CERS6: variants seen among roughly 807,000 people sequenced by gnomAD.
CERS6 encodes LAG1 homolog, ceramide synthase 6.
In CERS6, 26 loss-of-function variants were observed where a neutral mutation model predicts 56.8. That is an observed-to-expected ratio of 0.46 (90% CI 0.34 to 0.63). CERS6 has a LOEUF of 0.63. Among genes scored for constraint, CERS6 ranks in the 30% least tolerant of loss-of-function variants. The pLI is 0.01. For synonymous variants in CERS6, 164 were observed against 173.3 expected, an observed-to-expected ratio of 0.95 and a Z score of 0.42; for missense variants, 415 against 467.5, an observed-to-expected ratio of 0.89 and a Z score of 1.04.
At chr2:168,566,217 A>G (rs184793274) in intron 3 of CERS6, among the ~76,000 whole-genome samples, 104 of 152,286 alleles carry the variant, frequency 6.8e-4, no homozygotes, top group Non-Finnish European at 1.3e-3. Context: ...GGAAAGATGA[A>G]TCTCCCATAT....
intron 1 of CERS6, among the ~76,000 whole-genome samples, chr2:168,460,600 T>A (rs1651983180): frequency 6.6e-6 from 1 of 152,210 alleles, no homozygotes; most frequent in African/African-American, 2.4e-5. Context: ...TGTTATCATT[T>A]ATGCTCCAAA....
rs1684877702 is a variant in CERS6, at chr2:168,772,145, C to T, written c.*2483C>T. The T allele has an allele frequency of 2.0e-5, 3 of 152,186 alleles. No homozygotes were observed. The highest frequency in any genetic ancestry group is 2.0e-4 in the Admixed American group (3 of 15,284). 9.4% of individuals were successfully genotyped at this position (152,186 alleles called of 1,614,324 possible). On this transcript the variant is annotated 3_prime_UTR_variant, in exon 10 of 10. Coordinates refer to ENST00000305747, the MANE Select transcript of CERS6 (RefSeq NM_203463.3). ...ATCCTCCCCCTGTACCAGGCCATAGCTTTGAAGTGTATTTTGTAAATTCAA... is the reference window on the plus strand; with the variant it reads ...ATCCTCCCCCTGTACCAGGCCATAGTTTTGAAGTGTATTTTGTAAATTCAA...
intron 4 of CERS6, among the ~76,000 whole-genome samples, chr2:168,645,568 A>G (rs1300030591): frequency 2.0e-5 from 3 of 152,050 alleles, no homozygotes; most frequent in Non-Finnish European, 2.9e-5. Context: ...TTGGGGCTAC[A>G]TGTGAAGGTT....
chr2:168,641,482 A>G (rs1055347168), intron 4 of CERS6, among the ~76,000 whole-genome samples: 2 of 152,144 alleles, frequency 1.3e-5, no homozygotes, highest in Admixed American at 6.5e-5. Context: ...AGCTGGATGC[A>G]TGGCTTCCTC....
intron 6 of CERS6, among the ~76,000 whole-genome samples, chr2:168,706,835 C>T (rs1484933372): frequency 6.6e-6 from 1 of 152,148 alleles, no homozygotes; most frequent in African/African-American, 2.4e-5. Context: ...TAAGGCAGGG[C>T]ATAAAGCTTT....
chr2:168,763,443 G>A (rs1684638601), intron 8 of CERS6, among the ~76,000 whole-genome samples: 1 of 151,218 alleles, frequency 6.6e-6, no homozygotes, highest in Non-Finnish European at 1.5e-5. Context: ...TGTATTTTTA[G>A]TAGAGACAGG....
chr2:168,637,418 G>A (rs1055527748), intron 4 of CERS6, among the ~76,000 whole-genome samples: 6 of 152,128 alleles, frequency 3.9e-5, no homozygotes, highest in South Asian at 2.1e-4. Context: ...GTAGGCGGAG[G>A]TTGCACTGAG....
chr2:168,520,827 C>T (rs1694965206), intron 1 of CERS6, among the ~76,000 whole-genome samples: 1 of 151,836 alleles, frequency 6.6e-6, no homozygotes, highest in Non-Finnish European at 1.5e-5. Flanking sequence ...CCAGGCTGGT[C>T]TCGAACTCCT....
chr2:168,541,520 T>G (rs1297347144), intron 1 of CERS6, among the ~76,000 whole-genome samples: 1 of 152,198 alleles, frequency 6.6e-6, no homozygotes, highest in Non-Finnish European at 1.5e-5. Flanking sequence ...TTCACTGAAT[T>G]TTTCCTTTGC....
intron 8 of CERS6, among the ~76,000 whole-genome samples, chr2:168,731,825 C>T (rs1368738672): frequency 6.6e-6 from 1 of 152,168 alleles, no homozygotes. Context: ...TCAGTGAATT[C>T]AGAAGATACG....
chr2:168,599,184 GA>G (rs889675625), intron 3 of CERS6, among the ~76,000 whole-genome samples: 3 of 152,150 alleles, frequency 2.0e-5, no homozygotes, highest in African/African-American at 7.2e-5. Flanking sequence ...CAGAGCATGG[GA>G]AAATAGGCTG....
chr2:168,707,231 C>G (rs183267672), intron 6 of CERS6, among the ~76,000 whole-genome samples: 2 of 152,272 alleles, frequency 1.3e-5, no homozygotes, highest in African/African-American at 4.8e-5. Flanking sequence ...TTGTGTGTTA[C>G]AGTTATCCCC....
chr2:168,522,400 A>AT (rs1694998597), intron 1 of CERS6, among the ~76,000 whole-genome samples: 2 of 152,088 alleles, frequency 1.3e-5, no homozygotes, highest in South Asian at 4.1e-4. Context: ...AACATTAAAA[A>AT]TTTTTTTCTC....
chr2:168,663,767 A>T (rs1038732894), intron 4 of CERS6, among the ~76,000 whole-genome samples: 6 of 122,308 alleles, frequency 4.9e-5, no homozygotes, highest in Admixed American at 7.9e-5. Flanking sequence ...TGTAATATAT[A>T]CTTTAAAAAA....
intron 8 of CERS6, among the ~76,000 whole-genome samples, chr2:168,727,539 C>T (rs1683385711): frequency 6.8e-6 from 1 of 147,500 alleles, no homozygotes; most frequent in African/African-American, 2.5e-5. Context: ...CAGAGCGAGA[C>T]TCCATCTCAA....
chr2:168,456,922 C>A lies in CERS6; in HGVS notation c.170+304C>A, dbSNP rs1213555738. Among the ~76,000 whole-genome samples the A allele has an allele frequency of 6.6e-6, 1 of 152,190 alleles. No individual in the cohort carries two copies. The highest frequency in any genetic ancestry group is 1.5e-5 in the Non-Finnish European group (1 of 68,020). On this transcript the variant is annotated intron_variant, in intron 1 of 9. Coordinates refer to ENST00000305747, the MANE Select transcript of CERS6 (RefSeq NM_203463.3). The surrounding 1 kb of genome is among the most constrained non-coding windows in gnomAD (Gnocchi z 4.1). ...GCAAGGGCAGGCGAACAAAGGTGAGCGGTGGTCGGGCTCAGGACCCGCCGC... is the reference window on the plus strand; with the variant it reads ...GCAAGGGCAGGCGAACAAAGGTGAGAGGTGGTCGGGCTCAGGACCCGCCGC...
At chr2:168,523,148 G>A (rs1695012200) in intron 1 of CERS6, among the ~76,000 whole-genome samples, 2 of 152,154 alleles carry the variant, frequency 1.3e-5, no homozygotes, top group African/African-American at 2.4e-5. Flanking sequence ...CCATAGAGAC[G>A]TAGAGCCTTT....
chr2:168,695,103 C>T (rs1453204845), intron 6 of CERS6, 52 bp downstream of exon 6: 1 of 1,443,338 alleles, frequency 6.9e-7, no homozygotes, highest in African/African-American at 1.4e-5. Flanking sequence ...TTTAATGGCC[C>T]TTAGCAGGTG....
intron 3 of CERS6, among the ~76,000 whole-genome samples, chr2:168,595,896 C>T (rs558650290): frequency 6.6e-5 from 10 of 151,660 alleles, no homozygotes; most frequent in Non-Finnish European, 1.3e-4. Flanking sequence ...TAGACTTAAG[C>T]GGACTTCATA....
Sources: allele counts gnomAD v4.1 joint callset (sites outside exome capture counted in the v4.1 genomes callset), GRCh38; gene constraint gnomAD v4.1.1; non-coding constraint Gnocchi (gnomAD v3.1); transcripts MANE v1.5; gene names NCBI Gene and HGNC (gene_info 2026-07-23, HGNC 2026-07-21).